Variants in CTNNA2 observed in about 807,000 individuals in gnomAD.
CTNNA2 encodes the protein catenin alpha-2.
In CTNNA2, 42 loss-of-function variants were observed where a neutral mutation model predicts 101.0. That is an observed-to-expected ratio of 0.42 (90% CI 0.32 to 0.54). CTNNA2 has a LOEUF of 0.54. Ranked by LOEUF, CTNNA2 falls within the 20% of genes least tolerant of loss-of-function variation. The pLI, the probability that CTNNA2 is intolerant of heterozygous loss-of-function variation, is 0.14. For missense variants in CTNNA2, 871 were observed against 1,223.1 expected (o/e 0.71, Z 4.29); for synonymous variants, 450 against 456.4 (o/e 0.99, Z 0.18).
intron 8 of CTNNA2, among the ~76,000 whole-genome samples, chr2:80,407,203 G>C (rs550377210): frequency 5.3e-5 from 8 of 152,284 alleles, no homozygotes; most frequent in African/African-American, 1.7e-4. Context: ...AAAGTCGTTT[G>C]GTCAAATACC....
At chr2:79,957,429 A>C (rs940229178) in intron 7 of CTNNA2, among the ~76,000 whole-genome samples, 4 of 152,150 alleles carry the variant, frequency 2.6e-5, no homozygotes, top group Non-Finnish European at 5.9e-5. Flanking sequence ...GAGAGAACAC[A>C]GTACTTCTTT....
At chr2:79,800,798 A>C (rs1676094713) in intron 3 of CTNNA2, among the ~76,000 whole-genome samples, 1 of 152,166 alleles carries the variant, frequency 6.6e-6, no homozygotes, top group Non-Finnish European at 1.5e-5. Flanking sequence ...ATGGATGATT[A>C]TTTAGGGGAC....
chr2:79,206,233 G>A (rs548907577), intron 2 of CTNNA2, among the ~76,000 whole-genome samples: 27 of 151,046 alleles, frequency 1.8e-4, no homozygotes, highest in Non-Finnish European at 3.2e-4. Flanking sequence ...CCAGTTCTGA[G>A]TTAGAATTCG....
chr2:79,819,187 C>T (rs537460166), intron 3 of CTNNA2, among the ~76,000 whole-genome samples: 143 of 152,018 alleles, frequency 9.4e-4, no homozygotes, highest in Admixed American at 1.8e-3. Context: ...CCATGTTGGT[C>T]AGGCTAGTCT....
At chr2:79,268,600 C>T (rs760680519) in intron 2 of CTNNA2, among the ~76,000 whole-genome samples, 26 of 152,068 alleles carry the variant, frequency 1.7e-4, no homozygotes, top group Non-Finnish European at 3.1e-4. Context: ...TTGTGATTGG[C>T]GTCTGAAGCC....
At chr2:79,416,519 G>A (rs775464130) in intron 4 of CTNNA2, among the ~76,000 whole-genome samples, 5 of 151,872 alleles carry the variant, frequency 3.3e-5, no homozygotes, top group Non-Finnish European at 7.4e-5. Context: ...ATTTAATAAA[G>A]CATTGGGCAA....
At chr2:79,205,665 G>C (rs182851011) in intron 2 of CTNNA2, among the ~76,000 whole-genome samples, 1 of 152,140 alleles carries the variant, frequency 6.6e-6, no homozygotes, top group Non-Finnish European at 1.5e-5. Context: ...CAAAGCATAG[G>C]TCCTCATTTC....
chr2:79,619,647 A>G (rs1678866141), intron 1 of CTNNA2, among the ~76,000 whole-genome samples: 1 of 152,170 alleles, frequency 6.6e-6, no homozygotes, highest in South Asian at 2.1e-4. Flanking sequence ...GTGTTTGAAT[A>G]TAGCCTCATA....
chr2:80,227,435 T>A (rs1477197531), intron 7 of CTNNA2, among the ~76,000 whole-genome samples: 1 of 152,254 alleles, frequency 6.6e-6, no homozygotes, highest in South Asian at 2.1e-4. Flanking sequence ...TTCTGACTTC[T>A]GCGTTTAGGG....
chr2:80,305,157 T>A, intron 7 of CTNNA2: 1 of 985,398 alleles, frequency 1.0e-6, no homozygotes, highest in Non-Finnish European at 1.2e-6. Context: ...AGGCAATGAT[T>A]TGGGGCTTGG....
intron 2 of CTNNA2, among the ~76,000 whole-genome samples, chr2:79,287,573 C>T (rs1187392809): frequency 2.0e-5 from 3 of 149,304 alleles, no homozygotes; most frequent in Non-Finnish European, 4.5e-5. Flanking sequence ...GCTCAGGGGT[C>T]AGGGACCCAC....
At chr2:80,116,863 GC>G (rs1297261703) in intron 7 of CTNNA2, among the ~76,000 whole-genome samples, 1 of 150,712 alleles carries the variant, frequency 6.6e-6, no homozygotes, top group Non-Finnish European at 1.5e-5. Context: ...ACTAATACAT[GC>G]CTAATCCAAT....
intron 4 of CTNNA2, among the ~76,000 whole-genome samples, chr2:79,454,254 T>C (rs1274991313): frequency 2.6e-5 from 4 of 152,158 alleles, no homozygotes; most frequent in African/African-American, 9.7e-5. Flanking sequence ...GTGAGTAATT[T>C]ACCATATTAT....
chr2:79,441,046 T>A (rs937082130), intron 4 of CTNNA2, among the ~76,000 whole-genome samples: 1 of 152,200 alleles, frequency 6.6e-6, no homozygotes, highest in African/African-American at 2.4e-5. Flanking sequence ...CTTAGAATCA[T>A]CTCAGGGAGA....
Position 79,368,558 on chromosome 2 carries a change from T to C in CTNNA2, c.-317-5273T>C, listed in dbSNP as rs146816757. 6.8e-3 allele frequency among the ~76,000 whole-genome samples: 1,043 copies of C among 152,308 alleles called. 2 individuals are homozygous for C. The highest frequency in any genetic ancestry group is 0.011 in the Non-Finnish European group (759 of 68,026). On this transcript the variant is annotated intron_variant, in intron 3 of 21. Coordinates refer to the CTNNA2 transcript ENST00000466387. ...ATTTGGAGTGGGCTCCATATTCTTGTAGACAACACTGATGCTTCCCCCGAA... is the reference window on the plus strand; with the variant it reads ...ATTTGGAGTGGGCTCCATATTCTTGCAGACAACACTGATGCTTCCCCCGAA...
At chr2:79,543,925 A>G (rs886098348) in intron 1 of CTNNA2, among the ~76,000 whole-genome samples, 1 of 152,090 alleles carries the variant, frequency 6.6e-6, no homozygotes, top group African/African-American at 2.4e-5. Flanking sequence ...GTTGGACAAA[A>G]TTAGTCAACA....
intron 4 of CTNNA2, among the ~76,000 whole-genome samples, chr2:79,408,551 G>A (rs1200557111): frequency 1.5e-4 from 22 of 150,290 alleles, no homozygotes; most frequent in South Asian, 4.2e-4. Flanking sequence ...GAGAACATGC[G>A]GTATTTGGTT....
chr2:79,678,182 C>G (rs569288015), intron 2 of CTNNA2, among the ~76,000 whole-genome samples: 2 of 152,252 alleles, frequency 1.3e-5, no homozygotes, highest in East Asian at 3.9e-4. Flanking sequence ...GGCAACAGTT[C>G]CCAGCTGATC....
intron 3 of CTNNA2, among the ~76,000 whole-genome samples, chr2:79,792,374 C>T (rs1285944811): frequency 3.9e-5 from 6 of 152,168 alleles, no homozygotes; most frequent in Non-Finnish European, 8.8e-5. Flanking sequence ...GCTCAGAGTT[C>T]CTTTCCTGTA....
Sources: gnomAD v4.1 joint callset for allele counts (sites outside exome capture counted in the v4.1 genomes callset) on GRCh38, gnomAD v4.1.1 for gene constraint, MANE v1.5 for transcripts, NCBI Gene and HGNC (gene_info 2026-07-23, HGNC 2026-07-21) for gene names.